The following ADAMTS19 variants were observed in gnomAD, a reference collection of about 807,000 sequenced individuals.
ADAMTS19 encodes ADAM metallopeptidase with thrombospondin type 1 motif 19.
Under a neutral mutation model 153.3 loss-of-function variants are expected in ADAMTS19, and 93 were observed. The ratio of observed to expected loss-of-function variants is 0.61; its 90% CI spans 0.51 to 0.72. The LOEUF is 0.72. ADAMTS19 is among the 30% of genes least tolerant of loss of function. The probability of loss-of-function intolerance (pLI) is 0.00; values close to 1 mark genes in which losing one functional copy is unlikely to be tolerated. For synonymous variants in ADAMTS19, 600 were observed against 556.6 expected (o/e 1.08, Z -1.10); for missense variants, 1,482 against 1,552.1 (o/e 0.95, Z 0.76).
In ADAMTS19 at chr5:129,620,536, G is replaced by A. The variant is rs531527934; in HGVS notation, c.1479-82G>A. 157 of 1,031,282 alleles carry A rather than the reference G, an allele frequency of 1.5e-4. No individual in the cohort carries two copies. The Middle Eastern group carries it at 3.9e-3, about 26-fold the overall frequency. The allele number at this position is 1,031,282 out of a possible 1,614,324, so 63.9% of individuals were successfully genotyped here. A position where few individuals can be genotyped will look rare whatever the true frequency, so the allele number is the denominator to read the frequency against. On this transcript the variant is annotated intron_variant, in intron 8 of 22. Coordinates refer to ENST00000274487, the MANE Select transcript of ADAMTS19 (RefSeq NM_133638.6). ...CCCCAGTATTTTAAGTATTTTAACC[G>A]TTATTTAACTGCAGTTATAAAAAGT... is the stretch of plus-strand genomic sequence containing the variant.
At chr5:129,516,937 T>C (rs1751636499) in intron 3 of ADAMTS19, among the ~76,000 whole-genome samples, 1 of 149,998 alleles carries the variant, frequency 6.7e-6, no homozygotes, top group Non-Finnish European at 1.5e-5. Context: ...TCCCCCTGAG[T>C]ACTGCTTTGG....
chr5:129,506,451 A>G (rs1372789478), intron 2 of ADAMTS19, among the ~76,000 whole-genome samples: 2 of 150,318 alleles, frequency 1.3e-5, no homozygotes, highest in African/African-American at 4.9e-5. Flanking sequence ...TTTTTTTATT[A>G]TAGTTTAAGT....
chr5:129,568,094 A>C (rs1353548903), intron 7 of ADAMTS19, among the ~76,000 whole-genome samples: 1 of 152,344 alleles, frequency 6.6e-6, no homozygotes, highest in East Asian at 1.9e-4. Context: ...AGAAAAACTA[A>C]GAGAATTCAT....
intron 10 of ADAMTS19, among the ~76,000 whole-genome samples, chr5:129,624,502 CTTTGTGGTCA>C (rs1159980560): frequency 6.6e-6 from 1 of 152,068 alleles, no homozygotes; most frequent in Non-Finnish European, 1.5e-5. Flanking sequence ...AAAATAGGCT[CTTTGTGGTCA>C]CTGTCACTGG....
At chr5:129,601,923 A>T (rs1750666575) in intron 8 of ADAMTS19, among the ~76,000 whole-genome samples, 1 of 152,208 alleles carries the variant, frequency 6.6e-6, no homozygotes, top group Admixed American at 6.5e-5. Context: ...CCATCCTGGT[A>T]GAAGGCCTCC....
At chr5:129,488,096 A>G (rs1750656160) in intron 2 of ADAMTS19, among the ~76,000 whole-genome samples, 2 of 152,092 alleles carry the variant, frequency 1.3e-5, no homozygotes, top group Admixed American at 6.5e-5. Context: ...AAGAGACCCT[A>G]TAAATACTCA....
chr5:129,614,384 C>G (rs376618039), intron 8 of ADAMTS19, among the ~76,000 whole-genome samples: 1 of 151,934 alleles, frequency 6.6e-6, no homozygotes, highest in African/African-American at 2.4e-5. Context: ...GTTCAACATA[C>G]GAAAATCAAT....
At chr5:129,589,494 G>A (rs1749991342) in intron 7 of ADAMTS19, among the ~76,000 whole-genome samples, 3 of 151,848 alleles carry the variant, frequency 2.0e-5, no homozygotes, top group Admixed American at 1.3e-4. Context: ...ATACATTTGT[G>A]TATTTACTTG....
chr5:129,546,933 G>T (rs1752882495), intron 6 of ADAMTS19, among the ~76,000 whole-genome samples: 1 of 151,094 alleles, frequency 6.6e-6, no homozygotes, highest in African/African-American at 2.5e-5. Flanking sequence ...TGAAGGGAGA[G>T]ATTGGATTAA....
intron 7 of ADAMTS19, among the ~76,000 whole-genome samples, chr5:129,562,743 A>C (rs1753567444): frequency 6.6e-6 from 1 of 152,144 alleles, no homozygotes; most frequent in Admixed American, 6.5e-5. Flanking sequence ...TGATTGAATA[A>C]GTTTCCTGCT....
At chr5:129,549,139 C>A (rs1361058359) in intron 6 of ADAMTS19, among the ~76,000 whole-genome samples, 1 of 149,782 alleles carries the variant, frequency 6.7e-6, no homozygotes, top group East Asian at 2.0e-4. Flanking sequence ...AACAAACCTG[C>A]ACATTGTGCA....
At chr5:129,640,789 A>G (rs1227520288) in intron 10 of ADAMTS19, among the ~76,000 whole-genome samples, 2 of 151,996 alleles carry the variant, frequency 1.3e-5, no homozygotes, top group Non-Finnish European at 2.9e-5. Flanking sequence ...AGGTAGTAAC[A>G]CAGTCATCTT....
Position 129,522,303 on chromosome 5 carries a change from A to G in ADAMTS19, c.914-3981A>G, listed in dbSNP as rs368571246. On this transcript the variant is annotated intron_variant, in intron 3 of 22. Transcript: ENST00000274487. Reference sequence around the variant, plus strand: ...CGTAGTTGTATGTGTGTGTGTGTATATATATATATATATACACACACACAC... The same window carrying G: ...CGTAGTTGTATGTGTGTGTGTGTATGTATATATATATATACACACACACAC... Among the ~76,000 whole-genome samples, 123 of 95,144 alleles carry G rather than the reference A, an allele frequency of 1.3e-3. 2 individuals carry two copies. In the East Asian group the frequency reaches 0.014, roughly 11 times the overall value. 62.4% of individuals were successfully genotyped at this position (95,144 alleles called of 152,430 possible). A position where few individuals can be genotyped will look rare whatever the true frequency, so the allele number is the denominator to read the frequency against.
intron 16 of ADAMTS19, among the ~76,000 whole-genome samples, chr5:129,677,382 A>AG (rs905927888): frequency 8.2e-4 from 125 of 152,002 alleles, no homozygotes; most frequent in African/African-American, 2.9e-3. Flanking sequence ...ATGCTGAGGC[A>AG]GGGGGAATTG....
chr5:129,665,566 A>G lies in ADAMTS19; in HGVS notation c.2493A>G (p.Ala831=). 6.2e-7 allele frequency: 1 copy of G among 1,610,222 alleles called. No homozygotes were observed. The highest frequency in any genetic ancestry group is 1.3e-5 in the African/African-American group (1 of 74,908). ...RRIKVVEEKP[A]HSYLALRDAG... is the part of the protein sequence containing the mutation. ...TCAAAGTTGTGGAGGAAAAGCCGGC[A>G]CATAGCTATTTAGGTAACCTGTGTT... Residue 831 remains alanine, a synonymous_variant, in exon 16 of 23, where the codon GCA becomes GCG. Coordinates refer to ENST00000274487, the MANE Select transcript of ADAMTS19 (RefSeq NM_133638.6).
At chr5:129,688,545 T>C (rs1032104763) in intron 18 of ADAMTS19, among the ~76,000 whole-genome samples, 2 of 152,142 alleles carry the variant, frequency 1.3e-5, no homozygotes, top group African/African-American at 4.8e-5. Flanking sequence ...AATATGTATT[T>C]ATTATTGTCA....
intron 2 of ADAMTS19, among the ~76,000 whole-genome samples, chr5:129,506,466 G>A (rs1751273037): frequency 6.6e-6 from 1 of 151,518 alleles, no homozygotes; most frequent in South Asian, 2.1e-4. Flanking sequence ...TTAAGTTTTA[G>A]GGTACATATG....
chr5:129,557,448 A>G (rs1455103560), intron 7 of ADAMTS19, among the ~76,000 whole-genome samples: 1 of 151,670 alleles, frequency 6.6e-6, no homozygotes, highest in African/African-American at 2.4e-5. Flanking sequence ...AAATACAAAC[A>G]AATTAGCTGG....
chr5:129,479,869 T>C (rs1750351321), intron 2 of ADAMTS19, among the ~76,000 whole-genome samples: 2 of 152,108 alleles, frequency 1.3e-5, no homozygotes, highest in African/African-American at 2.4e-5. Context: ...AAAACTCAAT[T>C]TTAAGATGTC....
Sources: allele counts gnomAD v4.1 joint callset (sites outside exome capture counted in the v4.1 genomes callset), GRCh38; gene constraint gnomAD v4.1.1; transcripts MANE v1.5; gene names NCBI Gene and HGNC (gene_info 2026-07-23, HGNC 2026-07-21).